SKOR2: variants seen among roughly 807,000 people sequenced by gnomAD.
SKOR2 encodes SKI family transcriptional corepressor 2, also known as LBX1 corepressor 1-like protein.
In SKOR2, 47 loss-of-function variants were observed where a neutral mutation model predicts 69.1. The observed-to-expected ratio is 0.68, with a 90% CI of 0.54 to 0.87. The LOEUF (loss-of-function observed/expected upper bound fraction) is 0.87. SKOR2 is among the 40% of genes least tolerant of loss of function. The pLI is 0.00. For synonymous variants in SKOR2, 717 were observed against 672.6 expected (o/e 1.07, Z -1.02); for missense variants, 1,404 against 1,472.2 (o/e 0.95, Z 0.76).
chr18:47,247,321 G>T lies in SKOR2; in HGVS notation c.1863C>A (p.Ser621=). The change falls in exon 2 of 9, where the codon TCC becomes TCA. Residue 621 remains serine (S), a synonymous_variant. Coordinates refer to ENST00000425639, the MANE Select transcript of SKOR2 (RefSeq NM_001278063.4). This position sits in a 1 kb window ranked among gnomAD's most constrained non-coding sequence, Gnocchi z 6.6. ...RKAGGGSYHH[S]SAFRPVGGKD... ...TGCCGCCCACTGGCCGGAAGGCGCT[G>T]GAATGGTGGTAGCTGCCACCGCCCG... 1 of 1,480,968 alleles carries T rather than the reference G, an allele frequency of 6.8e-7. No individual in the cohort carries two copies. Among genetic ancestry groups the T allele is most frequent in the Non-Finnish European group, 8.9e-7 (1 of 1,121,942 alleles). The allele number at this position is 1,480,968 out of a possible 1,614,324, so 91.7% of individuals were successfully genotyped here.
In SKOR2 at chr18:47,230,453, T is replaced by C; in HGVS notation, c.2917+6A>G. The stretch of plus-strand genomic sequence containing the variant: ...TAAATACAATGAAATAAAAGTGATT[T>C]CTTACTGAATACTGGGAAAGATGTG... On this transcript the variant is annotated splice_donor_region_variant and intron_variant, in intron 6 of 8. Coordinates refer to ENST00000425639, the MANE Select transcript of SKOR2 (RefSeq NM_001278063.4). 7.2e-7 allele frequency: 1 copy of C among 1,382,322 alleles called. No homozygotes were observed. The highest frequency in any genetic ancestry group is 2.7e-5 in the East Asian group (1 of 37,552). 85.6% of individuals were successfully genotyped at this position (1,382,322 alleles called of 1,614,324 possible).
chr18:47,216,349 A>C (rs935504172), intron 7 of SKOR2, among the ~76,000 whole-genome samples: 19 of 152,328 alleles, frequency 1.2e-4, no homozygotes, highest in East Asian at 1.2e-3. Flanking sequence ...GGGGGACTTT[A>C]ACACAAACCA....
chr18:47,236,210 T>G (rs1244300667), intron 4 of SKOR2, among the ~76,000 whole-genome samples: 1 of 152,268 alleles, frequency 6.6e-6, no homozygotes, highest in African/African-American at 2.4e-5. Context: ...AGGCTGGTCT[T>G]GAACCCCTGA....
intron 4 of SKOR2, among the ~76,000 whole-genome samples, chr18:47,235,073 T>C (rs1386303747): frequency 6.6e-6 from 1 of 151,992 alleles, no homozygotes; most frequent in Non-Finnish European, 1.5e-5. Context: ...GACTAAAAGC[T>C]GCTGCTAAAG....
intron 4 of SKOR2, among the ~76,000 whole-genome samples, chr18:47,242,516 T>A (rs2064253465): frequency 6.6e-6 from 1 of 152,140 alleles, no homozygotes; most frequent in South Asian, 2.1e-4. Context: ...ATTTTAAACA[T>A]TAAATTATCC....
In SKOR2 at chr18:47,247,061, G is replaced by A; in HGVS notation, c.2123C>T (p.Ala708Val). 7.0e-7 allele frequency: 1 copy of A among 1,422,086 alleles called. No individual in the cohort carries two copies. Among genetic ancestry groups the A allele is most frequent in the South Asian group, 1.5e-5 (1 of 68,876 alleles). The allele number at this position is 1,422,086 out of a possible 1,614,324, so 88.1% of individuals were successfully genotyped here. ...PPPPPPPPPL[A>V]QHPHHRGLLS... ...AAGGCCTCGGTGGTGCGGGTGCTGG[G>A]CCAGAGGGGGCGGCGGGGGCGGCGG... is the stretch of plus-strand genomic sequence containing the variant. Residue 708 changes from alanine (A) to valine (V), a missense_variant, in exon 2 of 9, where the codon GCC becomes GTC. By Grantham distance (64) the Ala-to-Val change is moderately conservative. Around this residue, in one of 3 missense-constraint regions of SKOR2, gnomAD observed 1,266 missense variants for 1,309.9 expected, o/e 0.97. Transcript: ENST00000425639. This position sits in a 1 kb window ranked among gnomAD's most constrained non-coding sequence, Gnocchi z 6.6.
chr18:47,206,415 C>T lies in SKOR2; in HGVS notation c.*481G>A, dbSNP rs890071405. The stretch of plus-strand genomic sequence containing the variant: ...CAGGTTTGTACGGCTGGTGCCTTCC[C>T]ATCCATTGAAACGCTATCCCCACTC... On this transcript the variant is annotated 3_prime_UTR_variant, in exon 9 of 9. Coordinates refer to ENST00000425639, the MANE Select transcript of SKOR2 (RefSeq NM_001278063.4). The T allele has an allele frequency of 6.6e-6, 1 of 152,134 alleles. No individual in the cohort carries two copies. Among genetic ancestry groups the T allele is most frequent in the Non-Finnish European group, 1.5e-5 (1 of 68,012 alleles). 9.4% of individuals were successfully genotyped at this position (152,134 alleles called of 1,614,324 possible). A position where few individuals can be genotyped will look rare whatever the true frequency, so the allele number is the denominator to read the frequency against.
chr18:47,234,869 A>AAAAAAAAAT (rs1184339439), intron 4 of SKOR2, among the ~76,000 whole-genome samples: 1 of 150,954 alleles, frequency 6.6e-6, no homozygotes, highest in Non-Finnish European at 1.5e-5. Context: ...TCAGGGAAAA[A>AAAAAAAAAT]AAAAAAGAGA....
chr18:47,223,251 CA>C (rs1364074764), intron 6 of SKOR2, among the ~76,000 whole-genome samples: 1 of 151,914 alleles, frequency 6.6e-6, no homozygotes, highest in Admixed American at 6.6e-5. Context: ...TGGGCATTCA[CA>C]AAACATATGA....
chr18:47,248,002 G>T lies in SKOR2; in HGVS notation c.1182C>A (p.Val394=). The T allele has an allele frequency of 4.9e-6, 7 of 1,429,124 alleles. No individual in the cohort carries two copies. The highest frequency in any genetic ancestry group is 6.4e-6 in the Non-Finnish European group (7 of 1,093,198). 88.5% of individuals were successfully genotyped at this position (1,429,124 alleles called of 1,614,324 possible). The stretch of plus-strand genomic sequence containing the variant: ...CGCCGCAGCCCGGGAACTTCTGCAG[G>T]ACGCCCCCGAACGAGCCCTTGCTGG... ...PVPSKGSFGG[V]LQKFPGCGGL... The change falls in exon 2 of 9, where the codon GTC becomes GTA. Residue 394 remains valine, a synonymous_variant. Transcript: ENST00000425639. This position sits in a 1 kb window ranked among gnomAD's most constrained non-coding sequence, Gnocchi z 6.4.
chr18:47,224,935 A>AT (rs2064173709), intron 6 of SKOR2, among the ~76,000 whole-genome samples: 1 of 151,994 alleles, frequency 6.6e-6, no homozygotes, highest in Admixed American at 6.6e-5. Context: ...TTAAAAAAAA[A>AT]TTTTTTTCAT....
Position 47,245,478 on chromosome 18 carries a change from A to ATTTTTTTTTTTTTTTTTTTTTTTTT in SKOR2, c.2677+19_2677+20insAAAAAAAAAAAAAAAAAAAAAAAAA, listed in dbSNP as rs10670977. 194 of 1,198,234 alleles carry ATTTTTTTTTTTTTTTTTTTTTTTTT rather than the reference A, an allele frequency of 1.6e-4. 3 individuals are homozygous for ATTTTTTTTTTTTTTTTTTTTTTTTT. Among genetic ancestry groups the ATTTTTTTTTTTTTTTTTTTTTTTTT allele is most frequent in the African/African-American group, 8.6e-4 (38 of 43,982 alleles). 74.2% of individuals were successfully genotyped at this position (1,198,234 alleles called of 1,614,324 possible). A position where few individuals can be genotyped will look rare whatever the true frequency, so the allele number is the denominator to read the frequency against. ...ATGCAGGCAAGAAAAGTGGCAGCTG[A>ATTTTTTTTTTTTTTTTTTTTTTTTT]TTTTTTTTTTTTTTTTTACCTGAAA... On this transcript the variant is annotated intron_variant, in intron 3 of 8. Coordinates refer to ENST00000425639, the MANE Select transcript of SKOR2 (RefSeq NM_001278063.4).
At chr18:47,242,086 G>A (rs1333045571) in intron 4 of SKOR2, among the ~76,000 whole-genome samples, 1 of 152,102 alleles carries the variant, frequency 6.6e-6, no homozygotes, top group Non-Finnish European at 1.5e-5. Context: ...AACAACAGTA[G>A]ATACCATGGT....
intron 4 of SKOR2, 55 bp downstream of exon 4, chr18:47,244,853 C>T: frequency 6.9e-7 from 1 of 1,443,578 alleles, no homozygotes; most frequent in South Asian, 1.3e-5. Flanking sequence ...TTATGAATTT[C>T]AGCCCCTCTC....
Position 47,228,434 on chromosome 18 carries a change from G to A in SKOR2, c.2917+2025C>T, listed in dbSNP as rs374635073. On this transcript the variant is annotated intron_variant, in intron 6 of 8. Coordinates refer to ENST00000425639, the MANE Select transcript of SKOR2 (RefSeq NM_001278063.4). The stretch of plus-strand genomic sequence containing the variant: ...GTAACATTCTAACATTTTGTTTAAC[G>A]GAAACATGTACTACAGAGCAGTTAC... 4.7e-4 allele frequency among the ~76,000 whole-genome samples: 72 copies of A among 152,204 alleles called. 1 individual carries two copies. The Middle Eastern group carries it at 0.017, about 36-fold the overall frequency.
intron 4 of SKOR2, among the ~76,000 whole-genome samples, chr18:47,243,355 C>G (rs1199134870): frequency 6.6e-6 from 1 of 152,180 alleles, no homozygotes; most frequent in Non-Finnish European, 1.5e-5. Flanking sequence ...TGATCTGGGA[C>G]TAAGGAATGT....
chr18:47,247,179 G>C lies in SKOR2; in HGVS notation c.2005C>G (p.Pro669Ala). The C allele has an allele frequency of 1.6e-6, 2 of 1,215,376 alleles. No individual in the cohort carries two copies. Among genetic ancestry groups the C allele is most frequent in the Non-Finnish European group, 2.1e-6 (2 of 958,300 alleles). 75.3% of individuals were successfully genotyped at this position (1,215,376 alleles called of 1,614,324 possible). A position where few individuals can be genotyped will look rare whatever the true frequency, so the allele number is the denominator to read the frequency against. Residue 669 changes from proline to alanine, a missense_variant, in exon 2 of 9, where the codon CCC (proline) becomes GCC (alanine). Around this residue, in one of 3 missense-constraint regions of SKOR2, gnomAD observed 1,266 missense variants for 1,309.9 expected, o/e 0.97. Transcript: ENST00000425639. This position sits in a 1 kb window ranked among gnomAD's most constrained non-coding sequence, Gnocchi z 6.6. ...AGAAGCGGCGACGGCGGCTGCGGGGGGTGGTGGTGGTGGTGGTGGTGGTGA... is the reference window on the plus strand; with the variant it reads ...AGAAGCGGCGACGGCGGCTGCGGGGCGTGGTGGTGGTGGTGGTGGTGGTGA... ...HPHHHHHHHH[P>A]PQPPSPLLLL...
At chr18:47,246,143 T>C (rs569068849) in intron 2 of SKOR2, among the ~76,000 whole-genome samples, 2 of 152,278 alleles carry the variant, frequency 1.3e-5, no homozygotes, top group East Asian at 3.9e-4. Flanking sequence ...CTTTTGGTCA[T>C]GGTGGAGGGG....
At chr18:47,249,515 C>A (rs901283292) in intron 1 of SKOR2, among the ~76,000 whole-genome samples, 2 of 152,148 alleles carry the variant, frequency 1.3e-5, no homozygotes, top group Non-Finnish European at 2.9e-5. Context: ...GACCTTATCC[C>A]GGATTTATAG....
Sources: allele counts gnomAD v4.1 joint callset (sites outside exome capture counted in the v4.1 genomes callset), GRCh38; gene constraint gnomAD v4.1.1; regional missense constraint gnomAD v4.1.1; non-coding constraint Gnocchi (gnomAD v3.1); transcripts MANE v1.5; gene names NCBI Gene and HGNC (gene_info 2026-07-23, HGNC 2026-07-21).